Variants in LSAMP observed in about 807,000 individuals in gnomAD.
LSAMP encodes the protein limbic system-associated membrane protein.
LSAMP carries 7 observed loss-of-function variants against 38.6 expected under a neutral mutation model. The observed-to-expected ratio is 0.18, with a 90% CI of 0.10 to 0.34. The LOEUF is 0.34. LSAMP is among the 10% of genes least tolerant of loss of function. The probability of loss-of-function intolerance (pLI) is 1.00; values close to 1 mark genes in which losing one functional copy is unlikely to be tolerated. For synonymous variants in LSAMP, 154 were observed against 166.8 expected (o/e 0.92, Z 0.59); for missense variants, 313 against 420.0 (o/e 0.75, Z 2.23).
rs147291854 is a variant in LSAMP at position 116,413,222 on chromosome 3, T to G, written c.155+31655A>C. On this transcript the variant is annotated intron_variant, in intron 1 of 6. Coordinates refer to ENST00000490035, the MANE Select transcript of LSAMP (RefSeq NM_002338.5). The stretch of plus-strand genomic sequence containing the variant: ...CAAATGACTTCAAACTAATCATGCT[T>G]TAAGCATACTTTTCATGACATTATA... Among the ~76,000 whole-genome samples the G allele has an allele frequency of 6.5e-3, 937 of 144,826 alleles. 9 individuals carry two copies. Among genetic ancestry groups the G allele is most frequent in the African/African-American group, 0.023 (890 of 38,720 alleles).
chr3:116,317,517 G>A (rs1195319421), intron 1 of LSAMP, among the ~76,000 whole-genome samples: 34 of 152,034 alleles, frequency 2.2e-4, no homozygotes, highest in African/African-American at 7.9e-4. Context: ...CACCACGTCT[G>A]GCTAATTTTT....
At chr3:115,980,551 C>A (rs1939327613) in intron 3 of LSAMP, among the ~76,000 whole-genome samples, 1 of 152,076 alleles carries the variant, frequency 6.6e-6, no homozygotes, top group South Asian at 2.1e-4. Flanking sequence ...CACATATTCC[C>A]TTTGGTTCTG....
intron 1 of LSAMP, among the ~76,000 whole-genome samples, chr3:116,128,490 GTT>G (rs1317703056): frequency 6.6e-6 from 1 of 152,146 alleles, no homozygotes; most frequent in Non-Finnish European, 1.5e-5. Context: ...AGTTAGCTGG[GTT>G]TGATCATGTC....
chr3:116,321,636 A>C (rs2047708198), intron 1 of LSAMP, among the ~76,000 whole-genome samples: 1 of 152,158 alleles, frequency 6.6e-6, no homozygotes, highest in African/African-American at 2.4e-5. Context: ...ACCTGGGTTC[A>C]AATTTAGGTA....
rs138862615 is a variant in LSAMP at position 116,177,102 on chromosome 3, C to T, written c.156-90546G>A. Among the ~76,000 whole-genome samples, 46 of 152,148 alleles carry T rather than the reference C, an allele frequency of 3.0e-4. No homozygotes were observed. The East Asian group carries it at 8.9e-3, about 29-fold the overall frequency. ...CATCTTGAGAGGTTTCTAATGAATG[C>T]TAGAAGTCCTTGGAATACAGTTTAA... On this transcript the variant is annotated intron_variant, in intron 1 of 6. Coordinates refer to ENST00000490035, the MANE Select transcript of LSAMP (RefSeq NM_002338.5).
At chr3:116,305,094 C>T (rs541989611) in intron 1 of LSAMP, among the ~76,000 whole-genome samples, 15 of 152,226 alleles carry the variant, frequency 9.9e-5, no homozygotes, top group African/African-American at 3.6e-4. Context: ...AGGCAGCCTT[C>T]TTGTTTGAGT....
chr3:116,412,567 A>G (rs929601772), intron 1 of LSAMP, among the ~76,000 whole-genome samples: 17 of 152,134 alleles, frequency 1.1e-4, no homozygotes, highest in Non-Finnish European at 5.9e-5. Flanking sequence ...AAGTACTGAC[A>G]GCAAGTTCGT....
At chr3:115,873,798 C>T (rs1026182469) in intron 3 of LSAMP, among the ~76,000 whole-genome samples, 1 of 152,130 alleles carries the variant, frequency 6.6e-6, no homozygotes, top group Non-Finnish European at 1.5e-5. Context: ...CCAGGTATCA[C>T]ATCTGTAAGT....
At chr3:116,348,886 G>C (rs543875784) in intron 1 of LSAMP, among the ~76,000 whole-genome samples, 2 of 152,180 alleles carry the variant, frequency 1.3e-5, no homozygotes, top group African/African-American at 4.8e-5. Context: ...CCTGGCCAAA[G>C]CTATTACTTT....
chr3:116,320,142 T>C (rs1576124793), intron 1 of LSAMP, among the ~76,000 whole-genome samples: 2 of 152,120 alleles, frequency 1.3e-5, no homozygotes, highest in East Asian at 3.9e-4. Context: ...AGGCAGGACG[T>C]GGTGGCTCAC....
Position 115,842,361 on chromosome 3 carries a change from T to A in LSAMP, c.770+97A>T. ...AAGAGTGTGAGAATATAGTTCTACATAATTACAACTGGCTTGGCTTTGGCT... is the reference window on the plus strand; with the variant it reads ...AAGAGTGTGAGAATATAGTTCTACAAAATTACAACTGGCTTGGCTTTGGCT... On this transcript the variant is annotated intron_variant, in intron 5 of 6. Coordinates refer to ENST00000490035, the MANE Select transcript of LSAMP (RefSeq NM_002338.5). 2.8e-6 allele frequency: 4 copies of A among 1,453,852 alleles called. No individual in the cohort carries two copies. In the South Asian group the frequency reaches 5.5e-5, roughly 20 times the overall value. 90.1% of individuals were successfully genotyped at this position (1,453,852 alleles called of 1,614,324 possible). A position where few individuals can be genotyped will look rare whatever the true frequency, so the allele number is the denominator to read the frequency against.
At chr3:115,818,822 A>AT (rs55828725) in intron 6 of LSAMP, among the ~76,000 whole-genome samples, 12 of 125,234 alleles carry the variant, frequency 9.6e-5, no homozygotes, top group South Asian at 2.8e-4. Flanking sequence ...ATATATATAT[A>AT]ACTGCAGCAA....
rs568191407 is a variant in LSAMP, at chr3:116,108,428, G to A, written c.156-21872C>T. On this transcript the variant is annotated intron_variant, in intron 1 of 6. Coordinates refer to ENST00000490035, the MANE Select transcript of LSAMP (RefSeq NM_002338.5). ...TACCCACAACAGTTATGGAAGCAAG[G>A]GAAACAGGCCCTTGACAAGAAGGTA... is the stretch of plus-strand genomic sequence containing the variant. Among the ~76,000 whole-genome samples, 170 of 152,180 alleles carry A rather than the reference G, an allele frequency of 1.1e-3. 1 individual carries two copies. The highest frequency in any genetic ancestry group is 3.9e-3 in the African/African-American group (160 of 41,510).
intron 3 of LSAMP, among the ~76,000 whole-genome samples, chr3:115,918,839 A>G (rs181086210): frequency 6.6e-6 from 1 of 151,484 alleles, no homozygotes; most frequent in East Asian, 2.0e-4. Context: ...TCATTTATGT[A>G]GCGTTTTCTG....
chr3:115,867,316 C>T (rs1040977051), intron 3 of LSAMP, among the ~76,000 whole-genome samples: 3 of 151,920 alleles, frequency 2.0e-5, no homozygotes, highest in Non-Finnish European at 4.4e-5. Context: ...AAAATACTGT[C>T]GGTTTCTGGA....
chr3:116,060,061 CT>C (rs769594998), intron 2 of LSAMP, among the ~76,000 whole-genome samples: 1 of 152,140 alleles, frequency 6.6e-6, no homozygotes, highest in Non-Finnish European at 1.5e-5. Flanking sequence ...AAGGCAAAGG[CT>C]TTCTTTGGGA....
chr3:115,904,727 C>A (rs1936966868), intron 3 of LSAMP, among the ~76,000 whole-genome samples: 3 of 152,110 alleles, frequency 2.0e-5, no homozygotes, highest in Admixed American at 2.0e-4. Context: ...ATCAACGTTC[C>A]TTCCTCTGGT....
At chr3:115,896,911 A>C (rs772816176) in intron 3 of LSAMP, among the ~76,000 whole-genome samples, 19 of 152,080 alleles carry the variant, frequency 1.2e-4, no homozygotes, top group Admixed American at 1.2e-3. Context: ...GTGCCCATGC[A>C]TGGAGAACTT....
intron 1 of LSAMP, among the ~76,000 whole-genome samples, chr3:116,264,832 A>G (rs962941813): frequency 5.9e-5 from 9 of 152,076 alleles, no homozygotes; most frequent in African/African-American, 2.2e-4. Flanking sequence ...GTCTCAAAAA[A>G]CTGAGTTTAA....
Sources: gnomAD v4.1 joint callset for allele counts (sites outside exome capture counted in the v4.1 genomes callset) on GRCh38, gnomAD v4.1.1 for gene constraint, MANE v1.5 for transcripts, NCBI Gene and HGNC (gene_info 2026-07-23, HGNC 2026-07-21) for gene names.